Variants in GLG1 observed in about 807,000 individuals in gnomAD.
GLG1 encodes the protein golgi glycoprotein 1.
Under a neutral mutation model 160.5 loss-of-function variants are expected in GLG1, and 38 were observed. The ratio of observed to expected loss-of-function variants is 0.24; its 90% CI spans 0.18 to 0.31. The LOEUF (loss-of-function observed/expected upper bound fraction) is 0.31. Among genes scored for constraint, GLG1 ranks in the 10% least tolerant of loss-of-function variants. The pLI is 1.00. For missense variants in GLG1, 1,373 were observed against 1,505.2 expected (o/e 0.91, Z 1.45); for synonymous variants, 644 against 543.4 (o/e 1.19, Z -2.57).
At chr16:74,524,649 A>C (rs138610937) in intron 2 of GLG1, among the ~76,000 whole-genome samples, 2 of 152,176 alleles carry the variant, frequency 1.3e-5, no homozygotes, top group Admixed American at 1.3e-4. Flanking sequence ...GGGGAAGTAC[A>C]TAAGGATATA....
chr16:74,576,927 T>G (rs1314547047), intron 1 of GLG1, among the ~76,000 whole-genome samples: 1 of 144,186 alleles, frequency 6.9e-6, no homozygotes, highest in Non-Finnish European at 1.5e-5. Context: ...ACTCCTAATT[T>G]TTTTTTTTTT....
At chr16:74,561,413 G>A (rs907738488) in intron 1 of GLG1, among the ~76,000 whole-genome samples, 1 of 152,176 alleles carries the variant, frequency 6.6e-6, no homozygotes, top group Admixed American at 6.5e-5. Context: ...GAACGTTCAT[G>A]GAAAGTAATG....
intron 4 of GLG1, among the ~76,000 whole-genome samples, chr16:74,498,525 A>ATCAGGTTTT (rs934246361): frequency 2.2e-5 from 3 of 138,020 alleles, no homozygotes; most frequent in Non-Finnish European, 4.6e-5. Context: ...CGCAATTAAA[A>ATCAGGTTTT]TCTTGTTATA....
intron 2 of GLG1, among the ~76,000 whole-genome samples, chr16:74,514,252 A>C (rs1003789400): frequency 6.6e-6 from 1 of 152,234 alleles, no homozygotes; most frequent in African/African-American, 2.4e-5. Context: ...CCAACCTAGC[A>C]AGGCAGGCCA....
At chr16:74,593,127 C>G (rs1958220980) in intron 1 of GLG1, among the ~76,000 whole-genome samples, 1 of 152,146 alleles carries the variant, frequency 6.6e-6, no homozygotes, top group South Asian at 2.1e-4. Flanking sequence ...TTGGACTTCC[C>G]AACCTCCAGA....
At chr16:74,552,810 T>C (rs1490622587) in intron 1 of GLG1, 2 of 153,750 alleles carry the variant, frequency 1.3e-5, no homozygotes, top group African/African-American at 2.4e-5. Context: ...CAGGTCCTTC[T>C]GCTTAAGCCA....
intron 1 of GLG1, among the ~76,000 whole-genome samples, chr16:74,550,155 G>A (rs552438975): frequency 7.2e-4 from 110 of 151,968 alleles, no homozygotes; most frequent in Non-Finnish European, 1.1e-3. Flanking sequence ...AGTGGTGGAC[G>A]GGTGCTAGAA....
chr16:74,597,432 A>G (rs1248592979), intron 1 of GLG1, among the ~76,000 whole-genome samples: 1 of 144,812 alleles, frequency 6.9e-6, no homozygotes, highest in Non-Finnish European at 1.5e-5. Context: ...CTCCATCTCA[A>G]AAAAAAAAAA....
At chr16:74,540,093 T>TTA (rs1481776509) in intron 1 of GLG1, among the ~76,000 whole-genome samples, 53 of 468 alleles carry the variant, frequency 0.11, 26 homozygotes, top group Non-Finnish European at 0.61. Context: ...TATATATATA[T>TTA]TATATATATT....
At chr16:74,467,936 T>C (rs1288766324) in intron 17 of GLG1, 88 bp from the exon 18 acceptor site, 5 of 831,370 alleles carry the variant, frequency 6.0e-6, no homozygotes, top group Non-Finnish European at 5.9e-6. Flanking sequence ...GACTGCATCT[T>C]GTCTAGTGAC....
At chr16:74,453,854 A>G (rs1024960842) in intron 25 of GLG1, among the ~76,000 whole-genome samples, 1 of 150,680 alleles carries the variant, frequency 6.6e-6, no homozygotes, top group African/African-American at 2.5e-5. Context: ...ATCGTTTTAC[A>G]TATTCTATAT....
intron 1 of GLG1, among the ~76,000 whole-genome samples, chr16:74,592,298 A>T (rs150889676): frequency 1.3e-5 from 2 of 152,212 alleles, no homozygotes; most frequent in East Asian, 3.9e-4. Context: ...ACATGCCACC[A>T]CACCTTGCTG....
chr16:74,461,704 C>G lies in GLG1; in HGVS notation c.3036+390G>C, dbSNP rs546453688. 3.2e-5 allele frequency: 5 copies of G among 156,950 alleles called. No individual in the cohort carries two copies. In the East Asian group the frequency reaches 9.4e-4, roughly 30 times the overall value. 9.7% of individuals were successfully genotyped at this position (156,950 alleles called of 1,614,324 possible). On this transcript the variant is annotated intron_variant, in intron 22 of 25. Coordinates refer to ENST00000422840, the MANE Select transcript of GLG1 (RefSeq NM_001145667.2). ...CAGGCTGGTCTTGAACTCCTGACCT[C>G]AGATGATCCACCCTCCTTGGCCTCC...
chr16:74,565,311 A>T (rs2018624622), intron 1 of GLG1, among the ~76,000 whole-genome samples: 1 of 152,214 alleles, frequency 6.6e-6, no homozygotes, highest in African/African-American at 2.4e-5. Flanking sequence ...TCTAGGCAAC[A>T]GAGCCACTCC....
At chr16:74,455,989 C>T (rs974925826) in intron 25 of GLG1, among the ~76,000 whole-genome samples, 1 of 152,226 alleles carries the variant, frequency 6.6e-6, no homozygotes, top group Non-Finnish European at 1.5e-5. Flanking sequence ...TAGCCCAAGT[C>T]TACCTGGGTA....
chr16:74,516,576 A>G (rs975841926), intron 2 of GLG1, among the ~76,000 whole-genome samples: 7 of 152,244 alleles, frequency 4.6e-5, no homozygotes, highest in Non-Finnish European at 8.8e-5. Flanking sequence ...GGAAATTTAC[A>G]GCACTAAATG....
intron 1 of GLG1, among the ~76,000 whole-genome samples, chr16:74,602,871 A>C (rs986305384): frequency 6.6e-6 from 1 of 151,978 alleles, no homozygotes; most frequent in African/African-American, 2.4e-5. Flanking sequence ...CTGTGTAAGA[A>C]AATCTATGGG....
At chr16:74,556,593 A>G (rs2018360038) in intron 1 of GLG1, among the ~76,000 whole-genome samples, 1 of 152,038 alleles carries the variant, frequency 6.6e-6, no homozygotes, top group Non-Finnish European at 1.5e-5. Flanking sequence ...CAGAGGTGTG[A>G]GGAATGCTTA....
intron 1 of GLG1, among the ~76,000 whole-genome samples, chr16:74,561,624 G>A (rs780668958): frequency 6.6e-6 from 1 of 152,192 alleles, no homozygotes; most frequent in Non-Finnish European, 1.5e-5. Context: ...TACTAAAACT[G>A]TTAAGATATG....
Sources: gnomAD v4.1 joint callset for allele counts (sites outside exome capture counted in the v4.1 genomes callset) on GRCh38, gnomAD v4.1.1 for gene constraint, MANE v1.5 for transcripts, NCBI Gene and HGNC (gene_info 2026-07-23, HGNC 2026-07-21) for gene names.